EPHA6: variants seen among roughly 807,000 people sequenced by gnomAD.
EPHA6 encodes the protein EPH receptor A6.
Under a neutral mutation model 112.0 loss-of-function variants are expected in EPHA6, and 50 were observed. The observed-to-expected ratio is 0.45, with a 90% confidence interval of 0.36 to 0.56. The LOEUF (loss-of-function observed/expected upper bound fraction) is 0.56. Ranked by LOEUF, EPHA6 falls within the 20% of genes least tolerant of loss-of-function variation. The pLI is 0.00. For synonymous variants in EPHA6, 529 were observed against 490.7 expected, an observed-to-expected ratio of 1.08 and a Z score of -1.03; for missense variants, 1,280 against 1,417.4, an observed-to-expected ratio of 0.90 and a Z score of 1.56.
chr3:96,830,452 T>C (rs2033990113), intron 1 of EPHA6, among the ~76,000 whole-genome samples: 1 of 152,106 alleles, frequency 6.6e-6, no homozygotes. Context: ...GGTAAGTAAG[T>C]AGCATAAATT....
intron 2 of EPHA6, among the ~76,000 whole-genome samples, chr3:96,941,002 C>T (rs2040909932): frequency 6.6e-6 from 1 of 152,138 alleles, no homozygotes. Context: ...TTGTGGGTAA[C>T]CCGACCTTTC....
intron 1 of EPHA6, among the ~76,000 whole-genome samples, chr3:96,826,544 G>GT (rs1249727107): frequency 1.3e-5 from 2 of 151,982 alleles, no homozygotes; most frequent in Non-Finnish European, 2.9e-5. Context: ...TCAACTTCTG[G>GT]TTTAAAATAT....
chr3:97,155,864 C>A (rs1166992979), intron 3 of EPHA6, among the ~76,000 whole-genome samples: 1 of 152,102 alleles, frequency 6.6e-6, no homozygotes. Context: ...CCTGCAGCCA[C>A]CTCTCCCTTC....
chr3:97,638,469 G>A (rs183405672), intron 14 of EPHA6, among the ~76,000 whole-genome samples: 44 of 152,238 alleles, frequency 2.9e-4, no homozygotes, highest in African/African-American at 9.1e-4. Context: ...AGGAACCAGT[G>A]ATTCTGAAAT....
chr3:96,987,682 G>T lies in EPHA6; in HGVS notation c.803G>T (p.Arg268Leu). The change falls in exon 3 of 18, where the codon CGT becomes CTT. Residue 268 changes from arginine (R) to leucine (L), a missense_variant. This residue lies in a region of EPHA6 where 878 missense variants were observed against 999.7 expected (regional missense o/e 0.88). Transcript: ENST00000389672. ...ATCCTCAAACTCAACACTGAAATTCGTGAGGTGGGGCCTATAGAAAGGAAA... is the reference window on the plus strand; with the variant it reads ...ATCCTCAAACTCAACACTGAAATTCTTGAGGTGGGGCCTATAGAAAGGAAA... The part of the protein sequence containing the change: ...DRILKLNTEI[R>L]EVGPIERKGF... The T allele has an allele frequency of 6.2e-7, 1 of 1,606,266 alleles. No homozygotes were observed. Among genetic ancestry groups the T allele is most frequent in the Non-Finnish European group, 8.5e-7 (1 of 1,174,618 alleles).
At chr3:97,170,291 A>AAATTGAATCAAG (rs2076662845) in intron 3 of EPHA6, among the ~76,000 whole-genome samples, 1 of 152,142 alleles carries the variant, frequency 6.6e-6, no homozygotes, top group Non-Finnish European at 1.5e-5. Flanking sequence ...TTTGTACACA[A>AAATTGAATCAAG]AATTGAATCA....
At chr3:97,263,403 A>AT (rs1395157280) in intron 5 of EPHA6, among the ~76,000 whole-genome samples, 2 of 151,140 alleles carry the variant, frequency 1.3e-5, no homozygotes, top group Non-Finnish European at 2.9e-5. Flanking sequence ...ATTTTCATGA[A>AT]TTTTTTTACA....
At chr3:97,332,296 A>G (rs1234988186) in intron 5 of EPHA6, among the ~76,000 whole-genome samples, 2 of 152,084 alleles carry the variant, frequency 1.3e-5, no homozygotes, top group Admixed American at 6.6e-5. Flanking sequence ...CCCACAGCCA[A>G]TATCATACTG....
chr3:96,900,623 A>C (rs545249086), intron 2 of EPHA6, among the ~76,000 whole-genome samples: 1 of 152,318 alleles, frequency 6.6e-6, no homozygotes, highest in Non-Finnish European at 1.5e-5. Context: ...CAAGCATGGA[A>C]AGAGACGTTT....
At chr3:97,401,177 T>A (rs2086970281) in intron 5 of EPHA6, among the ~76,000 whole-genome samples, 1 of 151,736 alleles carries the variant, frequency 6.6e-6, no homozygotes, top group African/African-American at 2.4e-5. Context: ...TTGAGATAAT[T>A]ATATTTTTGT....
intron 5 of EPHA6, among the ~76,000 whole-genome samples, chr3:97,381,061 A>G (rs1456505946): frequency 1.3e-5 from 2 of 152,096 alleles, no homozygotes; most frequent in African/African-American, 2.4e-5. Context: ...GTTGGCTTTA[A>G]CATACCATAG....
intron 11 of EPHA6, among the ~76,000 whole-genome samples, chr3:97,588,155 A>G (rs1195394168): frequency 1.3e-5 from 2 of 152,172 alleles, no homozygotes; most frequent in East Asian, 3.8e-4. Context: ...ATATAAATGG[A>G]ATTTTCAGTA....
chr3:97,594,281 G>T (rs896920284), intron 12 of EPHA6, among the ~76,000 whole-genome samples: 3 of 152,230 alleles, frequency 2.0e-5, no homozygotes, highest in African/African-American at 7.2e-5. Flanking sequence ...ACAGAAGGAA[G>T]ATGATTGTTC....
chr3:97,186,854 T>C (rs2077153399), intron 3 of EPHA6, among the ~76,000 whole-genome samples: 1 of 152,128 alleles, frequency 6.6e-6, no homozygotes, highest in Non-Finnish European at 1.5e-5. Flanking sequence ...TCCCACTCTT[T>C]TCACCTGTAA....
intron 15 of EPHA6, among the ~76,000 whole-genome samples, chr3:97,732,921 G>A (rs1346204989): frequency 3.9e-5 from 6 of 151,982 alleles, no homozygotes; most frequent in Non-Finnish European, 8.8e-5. Context: ...ATTTCGCAAG[G>A]CTGTAAATTA....
At chr3:96,880,146 G>A (rs2037224258) in intron 2 of EPHA6, among the ~76,000 whole-genome samples, 1 of 151,710 alleles carries the variant, frequency 6.6e-6, no homozygotes, top group Admixed American at 6.6e-5. Flanking sequence ...AATTTTGAAT[G>A]TTCTCACCTC....
At chr3:97,490,306 G>A (rs561595585) in intron 10 of EPHA6, among the ~76,000 whole-genome samples, 7 of 152,070 alleles carry the variant, frequency 4.6e-5, no homozygotes, top group Non-Finnish European at 1.0e-4. Context: ...TTGTTACATT[G>A]CTTTATATTA....
chr3:97,110,122 G>T (rs956053504), intron 3 of EPHA6, among the ~76,000 whole-genome samples: 2 of 152,068 alleles, frequency 1.3e-5, no homozygotes, highest in Non-Finnish European at 2.9e-5. Context: ...TAGATACTTT[G>T]CATATTCATT....
chr3:96,862,656 G>C lies in EPHA6; in HGVS notation c.386-4169G>C, dbSNP rs561648551. On this transcript the variant is annotated intron_variant, in intron 1 of 17. Coordinates refer to ENST00000389672, the MANE Select transcript of EPHA6 (RefSeq NM_001080448.3). ...TTTCTTACTGTGCTATCTGAATAAAGATGATCTTCTATTATATACTATAAA... is the reference window on the plus strand; with the variant it reads ...TTTCTTACTGTGCTATCTGAATAAACATGATCTTCTATTATATACTATAAA... Among the ~76,000 whole-genome samples, 13 of 151,846 alleles carry C rather than the reference G, an allele frequency of 8.6e-5. No homozygotes were observed. In the South Asian group the frequency reaches 2.5e-3, roughly 29 times the overall value.
Sources: allele counts gnomAD v4.1 joint callset (sites outside exome capture counted in the v4.1 genomes callset), GRCh38; gene constraint gnomAD v4.1.1; regional missense constraint gnomAD v4.1.1; transcripts MANE v1.5; gene names NCBI Gene and HGNC (gene_info 2026-07-23, HGNC 2026-07-21).